ITPRID1: variants seen among roughly 807,000 people sequenced by gnomAD.
ITPRID1 encodes protein ITPRID1.
ITPRID1 carries 96 observed loss-of-function variants against 95.4 expected under a neutral mutation model. That is an observed-to-expected ratio of 1.01 (90% CI 0.85 to 1.19). The LOEUF (loss-of-function observed/expected upper bound fraction) is 1.19. ITPRID1 is among the 50% of genes most tolerant of loss of function. ITPRID1 has a pLI of 0.00. For synonymous variants in ITPRID1, 510 were observed against 453.6 expected, an observed-to-expected ratio of 1.12 and a Z score of -1.58; for missense variants, 1,339 against 1,252.9, an observed-to-expected ratio of 1.07 and a Z score of -1.04.
intron 10 of ITPRID1, among the ~76,000 whole-genome samples, chr7:31,614,623 T>C (rs1469418279): frequency 1.3e-5 from 2 of 152,092 alleles, no homozygotes; most frequent in African/African-American, 4.8e-5. Flanking sequence ...TCAGTAAACA[T>C]TATGGAATTA....
intron 10 of ITPRID1, among the ~76,000 whole-genome samples, chr7:31,634,382 T>C (rs1261039731): frequency 6.6e-6 from 1 of 152,244 alleles, no homozygotes; most frequent in African/African-American, 2.4e-5. Flanking sequence ...TAACATTATG[T>C]AGCCTATATA....
rs1236944866 is a variant in ITPRID1, at chr7:31,563,936, T to C, written c.257-5822T>C. 2.6e-5 allele frequency among the ~76,000 whole-genome samples: 4 copies of C among 152,268 alleles called. No homozygotes were observed. In the South Asian group the frequency reaches 6.2e-4, roughly 24 times the overall value. ...TTAATAATTTGCCAACTGAGACAAA[T>C]GTTGCTGACTGCCTCTACTAAGTGT... On this transcript the variant is annotated intron_variant, in intron 5 of 14. Transcript: ENST00000615280.
At chr7:31,586,679 A>G (rs891477508) in intron 10 of ITPRID1, among the ~76,000 whole-genome samples, 7 of 151,902 alleles carry the variant, frequency 4.6e-5, no homozygotes, top group Non-Finnish European at 1.0e-4. Flanking sequence ...CCACTTTTTG[A>G]TGGGGTTGTC....
At chr7:31,618,292 AG>A in intron 10 of ITPRID1, among the ~76,000 whole-genome samples, 1 of 152,332 alleles carries the variant, frequency 6.6e-6, no homozygotes, top group Admixed American at 6.5e-5. Flanking sequence ...CCCCATAAAA[AG>A]TAATTAGGAC....
intron 5 of ITPRID1, among the ~76,000 whole-genome samples, chr7:31,563,567 G>A (rs868103385): frequency 1.3e-5 from 2 of 152,134 alleles, no homozygotes; most frequent in Non-Finnish European, 2.9e-5. Flanking sequence ...GATAACTGTC[G>A]CAGGTGTGGT....
intron 1 of ITPRID1, among the ~76,000 whole-genome samples, chr7:31,534,850 A>G (rs1031381643): frequency 6.6e-6 from 1 of 151,850 alleles, no homozygotes; most frequent in Non-Finnish European, 1.5e-5. Flanking sequence ...TTTCTGTTTT[A>G]TTAGGGAGAG....
At chr7:31,529,052 G>A (rs965858596) in intron 1 of ITPRID1, among the ~76,000 whole-genome samples, 4 of 152,112 alleles carry the variant, frequency 2.6e-5, no homozygotes, top group African/African-American at 9.7e-5. Flanking sequence ...ATGTGAAATC[G>A]TCTCATCTCT....
chr7:31,563,571 G>A (rs985371642), intron 5 of ITPRID1, among the ~76,000 whole-genome samples: 8 of 152,214 alleles, frequency 5.3e-5, no homozygotes, highest in African/African-American at 1.7e-4. Context: ...ACTGTCGCAG[G>A]TGTGGTGTTG....
In ITPRID1 at chr7:31,613,867, A is replaced by G. The variant is rs114253853; in HGVS notation, c.1229-28309A>G. ...TTACATTTGTGTTATTCTTGCTTGA[A>G]TACTATGTTATGAGAGCTTGAATAT... On this transcript the variant is annotated intron_variant, in intron 10 of 14. Coordinates refer to ENST00000615280, the MANE Select transcript of ITPRID1 (RefSeq NM_001257967.3). 4.2e-3 allele frequency among the ~76,000 whole-genome samples: 639 copies of G among 152,306 alleles called. 8 individuals carry two copies. Among genetic ancestry groups the G allele is most frequent in the African/African-American group, 0.015 (624 of 41,570 alleles).
At chr7:31,579,547 C>T (rs1436407065) in intron 9 of ITPRID1, among the ~76,000 whole-genome samples, 1 of 152,140 alleles carries the variant, frequency 6.6e-6, no homozygotes, top group Non-Finnish European at 1.5e-5. Flanking sequence ...CATCACTATA[C>T]AGACATATTT....
At position 31,652,088 on chromosome 7, in the gene ITPRID1, C is replaced by T. The variant is rs144999832; in HGVS notation, c.2823+38C>T. On this transcript the variant is annotated intron_variant, in intron 14 of 14. Transcript: ENST00000615280. ...GGGTGTGGAGTTTGACTATATCCAG[C>T]CTACCACAGGAGAGGTGCATTAAAT... The T allele has an allele frequency of 1.2e-4, 164 of 1,372,804 alleles. No homozygotes were observed. The East Asian group carries it at 4.0e-3, about 33-fold the overall frequency. 85.0% of individuals were successfully genotyped at this position (1,372,804 alleles called of 1,614,324 possible).
chr7:31,599,875 T>C (rs1390488410), intron 10 of ITPRID1, among the ~76,000 whole-genome samples: 2 of 151,972 alleles, frequency 1.3e-5, no homozygotes, highest in Non-Finnish European at 2.9e-5. Flanking sequence ...TTTTTTTGTA[T>C]TTTTAGTGGA....
chr7:31,617,497 T>TG (rs397687103), intron 10 of ITPRID1, among the ~76,000 whole-genome samples: 6 of 151,932 alleles, frequency 3.9e-5, no homozygotes, highest in African/African-American at 1.5e-4. Context: ...TTCTGCTTTT[T>TG]GTAAAAAACA....
At chr7:31,611,027 A>C (rs536853777) in intron 10 of ITPRID1, among the ~76,000 whole-genome samples, 1 of 151,534 alleles carries the variant, frequency 6.6e-6, no homozygotes, top group South Asian at 2.1e-4. Flanking sequence ...ATGTCTTTTT[A>C]TTCTTCTATT....
intron 1 of ITPRID1, among the ~76,000 whole-genome samples, chr7:31,543,498 CATT>C (rs34249249): frequency 0.21 from 31,625 of 151,780 alleles, 3,497 homozygotes; most frequent in East Asian, 0.33. Context: ...ACTAGTGTCT[CATT>C]GTTGTTTAAA....
At chr7:31,639,746 C>G (rs1034877316) in intron 10 of ITPRID1, among the ~76,000 whole-genome samples, 2 of 151,952 alleles carry the variant, frequency 1.3e-5, no homozygotes, top group African/African-American at 4.8e-5. Flanking sequence ...CTGTGTTAGC[C>G]AGGCTCGTCT....
At chr7:31,628,324 G>GAC (rs1419578864) in intron 10 of ITPRID1, among the ~76,000 whole-genome samples, 2 of 151,906 alleles carry the variant, frequency 1.3e-5, no homozygotes, top group African/African-American at 4.8e-5. Context: ...GGCAAGGAAG[G>GAC]ACAAATAGAG....
intron 12 of ITPRID1, among the ~76,000 whole-genome samples, chr7:31,648,346 AAAG>A (rs1215634501): frequency 6.6e-6 from 1 of 151,968 alleles, no homozygotes; most frequent in Non-Finnish European, 1.5e-5. Flanking sequence ...AGAAGAAGAA[AAAG>A]AAGAAATGTT....
At chr7:31,544,521 C>A (rs1324595240) in intron 1 of ITPRID1, among the ~76,000 whole-genome samples, 2 of 152,086 alleles carry the variant, frequency 1.3e-5, no homozygotes, top group African/African-American at 4.8e-5. Flanking sequence ...CTTCAAGGAC[C>A]AGAACCAAGG....
Sources: allele counts gnomAD v4.1 joint callset (sites outside exome capture counted in the v4.1 genomes callset), GRCh38; gene constraint gnomAD v4.1.1; transcripts MANE v1.5; gene names NCBI Gene and HGNC (gene_info 2026-07-23, HGNC 2026-07-21).